TMEM232: variants seen among roughly 807,000 people sequenced by gnomAD.
The protein encoded by TMEM232 is transmembrane protein 232.
A neutral mutation model predicts 78.8 loss-of-function variants in TMEM232; 80 were observed. The observed-to-expected ratio is 1.01, with a 90% CI of 0.85 to 1.22. TMEM232 has a LOEUF of 1.22. Among genes scored for constraint, TMEM232 ranks in the 50% most tolerant of loss-of-function variants. TMEM232 has a pLI of 0.00. For missense variants in TMEM232, 881 were observed against 742.2 expected (o/e 1.19, Z -2.17); for synonymous variants, 297 against 254.3 (o/e 1.17, Z -1.60).
rs3763080 is a variant in TMEM232 at position 110,387,721 on chromosome 5, A to G, written n.917+31T>C. 7.2e-5 allele frequency: 11 copies of G among 152,296 alleles called. No homozygotes were observed. In the East Asian group the frequency reaches 2.1e-3, roughly 29 times the overall value. The allele number at this position is 152,296 out of a possible 1,614,324, so 9.4% of individuals were successfully genotyped here. A position where few individuals can be genotyped will look rare whatever the true frequency, so the allele number is the denominator to read the frequency against. On this transcript the variant is annotated intron_variant and non_coding_transcript_variant, in intron 5 of 8. Coordinates refer to the TMEM232 transcript ENST00000507188. ...AATCAATCCATGAAAATACCCTTCTAGATGTTTTTAAAAAAAATTGTACAG... is the reference window on the plus strand; with the variant it reads ...AATCAATCCATGAAAATACCCTTCTGGATGTTTTTAAAAAAAATTGTACAG...
chr5:110,552,307 A>G (rs1774572147), intron 11 of TMEM232, among the ~76,000 whole-genome samples: 1 of 152,094 alleles, frequency 6.6e-6, no homozygotes, highest in African/African-American at 2.4e-5. Context: ...AAATACAATG[A>G]TAAAAATATT....
intron 12 of TMEM232, among the ~76,000 whole-genome samples, chr5:110,429,103 A>T (rs746258170): frequency 1.3e-5 from 2 of 151,866 alleles, no homozygotes; most frequent in Non-Finnish European, 2.9e-5. Flanking sequence ...AAAAGCTTAG[A>T]TTCTTCTCTC....
chr5:110,645,683 T>C (rs1204368471), intron 2 of TMEM232, among the ~76,000 whole-genome samples: 1 of 151,602 alleles, frequency 6.6e-6, no homozygotes, highest in Non-Finnish European at 1.5e-5. Flanking sequence ...TGCCCATTTC[T>C]ACCACTTCTT....
At chr5:110,714,060 A>G (rs1297349532) in intron 1 of TMEM232, among the ~76,000 whole-genome samples, 1 of 152,134 alleles carries the variant, frequency 6.6e-6, no homozygotes, top group African/African-American at 2.4e-5. Context: ...ATACTTTCTA[A>G]GGACAGAGAG....
intron 12 of TMEM232, among the ~76,000 whole-genome samples, chr5:110,449,347 A>G (rs1423388266): frequency 6.6e-6 from 1 of 152,120 alleles, no homozygotes; most frequent in Non-Finnish European, 1.5e-5. Context: ...TTACATATTC[A>G]TACCCATAAC....
At chr5:110,561,899 C>A (rs989870657) in intron 11 of TMEM232, among the ~76,000 whole-genome samples, 9 of 151,980 alleles carry the variant, frequency 5.9e-5, no homozygotes, top group Non-Finnish European at 1.0e-4. Flanking sequence ...AGAGGGAAGA[C>A]CCCAATGTGT....
intron 12 of TMEM232, among the ~76,000 whole-genome samples, chr5:110,455,616 T>G (rs554540571): frequency 1.3e-4 from 19 of 151,802 alleles, no homozygotes; most frequent in Non-Finnish European, 2.8e-4. Context: ...CTGACCTCGT[T>G]ATCCACCCGC....
chr5:110,707,708 C>A (rs969498292), intron 1 of TMEM232, among the ~76,000 whole-genome samples: 2 of 152,222 alleles, frequency 1.3e-5, no homozygotes, highest in Non-Finnish European at 2.9e-5. Flanking sequence ...TGCTTCAACC[C>A]TCTTCCAACC....
intron 10 of TMEM232, among the ~76,000 whole-genome samples, chr5:110,572,593 A>G (rs1777082369): frequency 6.6e-6 from 1 of 152,084 alleles, no homozygotes; most frequent in Non-Finnish European, 1.5e-5. Context: ...TGAATTATCA[A>G]AATGAATACA....
chr5:110,612,326 T>A lies in TMEM232; in HGVS notation c.903-6039A>T, dbSNP rs369269502. ...AGCATATATAGTGGGTATTTACCCT[T>A]GATACAGACTAAGTTATAATTGGCT... On this transcript the variant is annotated intron_variant, in intron 8 of 13. Coordinates refer to ENST00000455884, the MANE Select transcript of TMEM232 (RefSeq NM_001039763.4). 6.4e-4 allele frequency among the ~76,000 whole-genome samples: 98 copies of A among 152,302 alleles called. 1 individual carries two copies. The South Asian group carries it at 0.017, about 27-fold the overall frequency.
chr5:110,490,120 AAAAAGAAAGAAAGAAAGAAAGAAAG>A (rs1340466420), intron 12 of TMEM232, among the ~76,000 whole-genome samples: 8 of 141,432 alleles, frequency 5.7e-5, no homozygotes, highest in African/African-American at 1.9e-4. Context: ...ACTCCGTTTC[AAAAAGAAAGAAAGAAAGAAAGAAAG>A]AAAGAAAGAA....
chr5:110,507,442 G>A (rs924164723), intron 12 of TMEM232, among the ~76,000 whole-genome samples: 5 of 152,100 alleles, frequency 3.3e-5, no homozygotes, highest in African/African-American at 1.2e-4. Context: ...GCAATATACC[G>A]TTAGGCTGAT....
At chr5:110,606,384 G>A (rs1781547300) in intron 8 of TMEM232, 97 bp from the exon 9 acceptor site, 1 of 1,162,234 alleles carries the variant, frequency 8.6e-7, no homozygotes, top group African/African-American at 1.5e-5. Flanking sequence ...CAGAGGAAAT[G>A]CATGTCTGCA....
At chr5:110,615,506 G>A (rs1195027145) in intron 8 of TMEM232, among the ~76,000 whole-genome samples, 1 of 151,804 alleles carries the variant, frequency 6.6e-6, no homozygotes, top group African/African-American at 2.4e-5. Context: ...GGTCATACAT[G>A]GCAAGCCTAC....
chr5:110,640,918 C>A lies in TMEM232; in HGVS notation c.316G>T (p.Ala106Ser), dbSNP rs1417728826. 6.5e-7 allele frequency: 1 copy of A among 1,538,438 alleles called. No individual in the cohort carries two copies. Among genetic ancestry groups the A allele is most frequent in the Admixed American group, 2.0e-5 (1 of 50,008 alleles). The change falls in exon 4 of 14, where the codon GCT (alanine) becomes TCT (serine). Residue 106 changes from alanine (A) to serine (S), a missense_variant. Coordinates refer to ENST00000455884, the MANE Select transcript of TMEM232 (RefSeq NM_001039763.4). Reference protein sequence around the residue: ...PAAWTEVIYLAQCKGEIQDES... With the variant: ...PAAWTEVIYLSQCKGEIQDES... ...TCTTGGATTTCCCCTTTGCATTGAG[C>A]CAGATATATTACTTCAGTCCATGCA...
chr5:110,691,442 T>C (rs958568240), intron 1 of TMEM232, among the ~76,000 whole-genome samples: 1 of 152,218 alleles, frequency 6.6e-6, no homozygotes, highest in Non-Finnish European at 1.5e-5. Flanking sequence ...GTCCATGAAT[T>C]CTTGTATTGG....
intron 12 of TMEM232, among the ~76,000 whole-genome samples, chr5:110,504,216 A>G (rs1415079604): frequency 6.6e-6 from 1 of 152,222 alleles, no homozygotes; most frequent in African/African-American, 2.4e-5. Context: ...ATCCTCTATT[A>G]AAACTCTGCT....
At chr5:110,555,401 T>C (rs969813847) in intron 11 of TMEM232, among the ~76,000 whole-genome samples, 2 of 152,212 alleles carry the variant, frequency 1.3e-5, no homozygotes, top group Non-Finnish European at 2.9e-5. Flanking sequence ...TTTAATTTGT[T>C]GAGAATTGCT....
chr5:110,738,421 C>T (rs1321038957), upstream of TMEM232, among the ~76,000 whole-genome samples: 1 of 152,204 alleles, frequency 6.6e-6, no homozygotes, highest in Admixed American at 6.5e-5. Flanking sequence ...TAATTTCTAA[C>T]TCCAGGAGGA....
Sources: gnomAD v4.1 joint callset for allele counts (sites outside exome capture counted in the v4.1 genomes callset) on GRCh38, gnomAD v4.1.1 for gene constraint, MANE v1.5 for transcripts, NCBI Gene and HGNC (gene_info 2026-07-23, HGNC 2026-07-21) for gene names.